LRRD1: variants seen among roughly 807,000 people sequenced by gnomAD.
LRRD1 encodes the protein leucine rich repeats and death domain containing 1, also known as leucine-rich repeat and death domain-containing protein 1.
In LRRD1, 49 loss-of-function variants were observed where a neutral mutation model predicts 69.5. That is an observed-to-expected ratio of 0.70 (90% CI 0.56 to 0.89). LRRD1 has a LOEUF of 0.89. LRRD1 is among the 40% of genes least tolerant of loss of function. LRRD1 has a pLI of 0.00. For synonymous variants in LRRD1, 303 were observed against 338.9 expected, an observed-to-expected ratio of 0.89 and a Z score of 1.16; for missense variants, 853 against 956.0, an observed-to-expected ratio of 0.89 and a Z score of 1.42.
In LRRD1 at chr7:92,169,890, C is replaced by T. The variant is rs565362683; in HGVS notation, c.-74-4614G>A. On this transcript the variant is annotated intron_variant, in intron 1 of 5. Coordinates refer to ENST00000458448, the MANE Select transcript of LRRD1 (RefSeq NM_001161528.2). The stretch of plus-strand genomic sequence containing the variant: ...TTCAAGACCAGCCTAGGCAACATAG[C>T]AAGACCTCATCTCTACAAAAAATAA... Among the ~76,000 whole-genome samples, 364 of 150,318 alleles carry T rather than the reference C, an allele frequency of 2.4e-3. 2 individuals carry two copies. The highest frequency in any genetic ancestry group is 8.3e-3 in the African/African-American group (341 of 40,976).
In LRRD1 at chr7:92,144,865, A is replaced by T. The variant is rs1820276926; in HGVS notation, c.*23T>A. ...AATTATAAGTGCATCAAAAGTTTTC[A>T]GTTTTTATTATTGATCCACTGGTTA... On this transcript the variant is annotated 3_prime_UTR_variant, in exon 6 of 6. Coordinates refer to ENST00000458448, the MANE Select transcript of LRRD1 (RefSeq NM_001161528.2). The T allele has an allele frequency of 2.8e-6, 4 of 1,405,038 alleles. No homozygotes were observed. The highest frequency in any genetic ancestry group is 3.8e-6 in the Non-Finnish European group (4 of 1,053,338). The allele number at this position is 1,405,038 out of a possible 1,614,324, so 87.0% of individuals were successfully genotyped here. A position where few individuals can be genotyped will look rare whatever the true frequency, so the allele number is the denominator to read the frequency against.
At chr7:92,155,951 C>A (rs1326118012) in intron 3 of LRRD1, among the ~76,000 whole-genome samples, 3 of 152,190 alleles carry the variant, frequency 2.0e-5, no homozygotes, top group African/African-American at 7.2e-5. Flanking sequence ...TTTATTCTAG[C>A]CAAGGTGGCA....
At chr7:92,166,896 T>C (rs1788923064) in intron 1 of LRRD1, among the ~76,000 whole-genome samples, 1 of 152,120 alleles carries the variant, frequency 6.6e-6, no homozygotes, top group African/African-American at 2.4e-5. Flanking sequence ...CTATTTAACA[T>C]TGTACTGAGA....
chr7:92,164,539 G>T lies in LRRD1; in HGVS notation c.664C>A (p.His222Asn). 1 of 1,550,276 alleles carries T rather than the reference G, an allele frequency of 6.5e-7. No homozygotes were observed. Among genetic ancestry groups the T allele is most frequent in the East Asian group, 2.4e-5 (1 of 40,818 alleles). Residue 222 changes from histidine (H) to asparagine (N), a missense_variant, in exon 2 of 6, where the codon CAC becomes AAC. Transcript: ENST00000458448. ...NLRILNVSHNHISHIPKEISQ... is the reference protein window; with the variant it reads ...NLRILNVSHNNISHIPKEISQ... Reference sequence around the variant, plus strand: ...ATTTCTTTAGGTATATGTGATATGTGGTTATGACTGACATTTAATATCCTT... The same window carrying T: ...ATTTCTTTAGGTATATGTGATATGTTGTTATGACTGACATTTAATATCCTT...
At chr7:92,169,493 A>G (rs1301582870) in intron 1 of LRRD1, among the ~76,000 whole-genome samples, 2 of 151,910 alleles carry the variant, frequency 1.3e-5, no homozygotes, top group African/African-American at 4.8e-5. Context: ...TCTACTAAAA[A>G]TACAAAAATT....
rs1820443849 is a variant in LRRD1, at chr7:92,150,659, T to C, written c.2153A>G (p.Asn718Ser). The C allele has an allele frequency of 1.9e-6, 3 of 1,548,608 alleles. No individual in the cohort carries two copies. The highest frequency in any genetic ancestry group is 1.7e-6 in the Non-Finnish European group (2 of 1,144,216). The change falls in exon 4 of 6, where the codon AAT (asparagine) becomes AGT (serine). Residue 718 changes from asparagine to serine, a missense_variant. Physicochemically the swap from Asn to Ser is conservative, Grantham distance 46 (BLOSUM62 1). Around this residue, in one of 3 missense-constraint regions of LRRD1, gnomAD observed 739 missense variants for 808.0 expected, o/e 0.91. Coordinates refer to ENST00000458448, the MANE Select transcript of LRRD1 (RefSeq NM_001161528.2). ...ATTTATCTCCTTCAGTGAAAAAATA[T>C]TGTAGATAGCACTAGGTAGAGCTGT... is the stretch of plus-strand genomic sequence containing the variant. Reference protein sequence around the residue: ...NLTALPSAIYNIFSLKEINFD... With the variant: ...NLTALPSAIYSIFSLKEINFD...
intron 3 of LRRD1, among the ~76,000 whole-genome samples, chr7:92,151,446 G>A (rs1037971437): frequency 2.6e-5 from 4 of 152,092 alleles, no homozygotes; most frequent in Admixed American, 6.6e-5. Context: ...CCTCATATCC[G>A]CATGACATCA....
chr7:92,145,186 G>A (rs1820287728), intron 5 of LRRD1, 112 bp from the exon 6 acceptor site: 3 of 537,624 alleles, frequency 5.6e-6, no homozygotes, highest in Non-Finnish European at 8.1e-6. Flanking sequence ...TTAAACTCCT[G>A]TAATATTGTA....
At chr7:92,154,362 C>T (rs919506188) in intron 3 of LRRD1, among the ~76,000 whole-genome samples, 3 of 152,084 alleles carry the variant, frequency 2.0e-5, no homozygotes, top group African/African-American at 7.2e-5. Flanking sequence ...ACCTCAGCCT[C>T]TCAAGCAGCT....
downstream of LRRD1, among the ~76,000 whole-genome samples, chr7:92,143,248 C>G (rs1367223623): frequency 6.6e-6 from 1 of 152,192 alleles, no homozygotes; most frequent in Admixed American, 6.5e-5. Flanking sequence ...AATCCCCTAG[C>G]TAGACATAAA....
Position 92,144,894 on chromosome 7 carries a change from T to C in LRRD1, c.2577A>G (p.Lys859=). ...TALNLFTRAI[K]F The stretch of plus-strand genomic sequence containing the variant: ...TTTATTATTGATCCACTGGTTAGAA[T>C]TTAATTGCACGCGTAAAAAGATTTA... Residue 859 remains lysine, a synonymous_variant, in exon 6 of 6, where the codon AAA becomes AAG. Transcript: ENST00000458448. 1 of 1,482,044 alleles carries C rather than the reference T, an allele frequency of 6.7e-7. No homozygotes were observed. 91.8% of individuals were successfully genotyped at this position (1,482,044 alleles called of 1,614,324 possible). A position where few individuals can be genotyped will look rare whatever the true frequency, so the allele number is the denominator to read the frequency against.
chr7:92,177,204 C>A lies in LRRD1; in HGVS notation c.-75+1803G>T, dbSNP rs371475965. On this transcript the variant is annotated intron_variant, in intron 1 of 5. Transcript: ENST00000458448. ...TAACATTTACTCAGATTTTTTATGC[C>A]CATGTTCATTAGTAATTTTGCTGAT... Among the ~76,000 whole-genome samples the A allele has an allele frequency of 1.9e-3, 286 of 150,948 alleles. 3 individuals are homozygous for A. The highest frequency in any genetic ancestry group is 6.4e-3 in the African/African-American group (263 of 41,162).
intron 1 of LRRD1, among the ~76,000 whole-genome samples, chr7:92,170,461 A>G (rs1789031152): frequency 6.6e-6 from 1 of 152,248 alleles, no homozygotes; most frequent in African/African-American, 2.4e-5. Flanking sequence ...AAGGTCAAAG[A>G]CAAAGAGAGG....
intron 2 of LRRD1, among the ~76,000 whole-genome samples, chr7:92,162,531 A>T (rs1002897246): frequency 6.6e-6 from 1 of 152,206 alleles, no homozygotes; most frequent in African/African-American, 2.4e-5. Context: ...CATAAAACTT[A>T]CTCCTAGAGT....
intron 3 of LRRD1, among the ~76,000 whole-genome samples, chr7:92,152,810 A>G (rs1320992863): frequency 1.3e-5 from 2 of 151,890 alleles, no homozygotes; most frequent in African/African-American, 2.4e-5. Context: ...AGCTGGGACT[A>G]TAGGTGCGTG....
intron 4 of LRRD1, chr7:92,149,831 G>C (rs1330169395): frequency 2.3e-6 from 1 of 435,240 alleles, no homozygotes; most frequent in Non-Finnish European, 4.7e-6. Context: ...AGGATTACAG[G>C]CATGAGCCAC....
At chr7:92,173,781 G>T (rs1445130127) in intron 1 of LRRD1, among the ~76,000 whole-genome samples, 1 of 152,082 alleles carries the variant, frequency 6.6e-6, no homozygotes, top group Non-Finnish European at 1.5e-5. Context: ...TCACCACAAA[G>T]AAAGTAAAAA....
rs1411759514 is a variant in LRRD1 at position 92,163,912 on chromosome 7, C to T, written c.1291G>A (p.Val431Ile). ...TGTGAGATACAGTCAGTTATTTTTA[C>T]CATATTATTTCTGTTTACATGGAGT... ...RKLHVNRNNM[V>I]KITDCISHLN... is the part of the protein sequence containing the mutation. Residue 431 changes from valine to isoleucine, a missense_variant, in exon 2 of 6, where the codon GTA (valine) becomes ATA (isoleucine). By Grantham distance (29) the Val-to-Ile change is conservative. This residue lies in a region of LRRD1 where 739 missense variants were observed against 808.0 expected (regional missense o/e 0.91). Coordinates refer to ENST00000458448, the MANE Select transcript of LRRD1 (RefSeq NM_001161528.2). 5.9e-6 allele frequency: 9 copies of T among 1,534,142 alleles called. No individual in the cohort carries two copies. The highest frequency in any genetic ancestry group is 2.8e-5 in the African/African-American group (2 of 71,802).
intron 1 of LRRD1, among the ~76,000 whole-genome samples, chr7:92,166,309 C>A (rs1414332061): frequency 6.6e-6 from 1 of 152,112 alleles, no homozygotes; most frequent in Non-Finnish European, 1.5e-5. Flanking sequence ...CCATCTTTAC[C>A]TTTTTAGTTC....
Sources: allele counts gnomAD v4.1 joint callset (sites outside exome capture counted in the v4.1 genomes callset), GRCh38; gene constraint gnomAD v4.1.1; regional missense constraint gnomAD v4.1.1; transcripts MANE v1.5; gene names NCBI Gene and HGNC (gene_info 2026-07-23, HGNC 2026-07-21).